The following RALGPS1 variants were observed in gnomAD, a reference collection of about 807,000 sequenced individuals.
The protein encoded by RALGPS1 is Ral GEF with PH domain and SH3 binding motif 1.
In RALGPS1, 19 loss-of-function variants were observed where a neutral mutation model predicts 78.8. That is an observed-to-expected ratio of 0.24 (90% CI 0.17 to 0.35). The LOEUF (loss-of-function observed/expected upper bound fraction) is 0.35, where lower values mean the gene tolerates loss of function less well. Ranked by LOEUF, RALGPS1 falls within the 10% of genes least tolerant of loss-of-function variation. The pLI is 1.00. For synonymous variants in RALGPS1, 228 were observed against 256.3 expected (o/e 0.89, Z 1.06); for missense variants, 454 against 688.3 (o/e 0.66, Z 3.81).
chr9:127,043,733 T>A (rs1248765374), intron 5 of RALGPS1, among the ~76,000 whole-genome samples: 1 of 152,126 alleles, frequency 6.6e-6, no homozygotes. Flanking sequence ...TATCCAAAAT[T>A]TACTCTTGAA....
intron 3 of RALGPS1, among the ~76,000 whole-genome samples, chr9:126,970,621 G>A (rs1434734577): frequency 4.8e-5 from 3 of 62,962 alleles, no homozygotes; most frequent in African/African-American, 1.0e-4. Context: ...CTAAGAGTGT[G>A]TGTGTGTGTG....
chr9:126,918,440 G>C (rs1039618653), intron 1 of RALGPS1, among the ~76,000 whole-genome samples: 1 of 152,062 alleles, frequency 6.6e-6, no homozygotes, highest in Non-Finnish European at 1.5e-5. Flanking sequence ...AGGCTCAAAT[G>C]ATCCTCCCAC....
chr9:126,939,938 T>C (rs1429906160), intron 1 of RALGPS1, among the ~76,000 whole-genome samples: 1 of 152,242 alleles, frequency 6.6e-6, no homozygotes, highest in Admixed American at 6.5e-5. Context: ...AGTCACTTCC[T>C]GCTCACCTAA....
intron 1 of RALGPS1, among the ~76,000 whole-genome samples, chr9:126,952,997 G>A (rs1327069411): frequency 6.6e-6 from 1 of 152,128 alleles, no homozygotes; most frequent in Non-Finnish European, 1.5e-5. Context: ...ATTCCTGGAC[G>A]TGTGTATTTT....
In RALGPS1 at chr9:127,196,157, A is replaced by G. The variant is rs1158536019; in HGVS notation, c.1038-317A>G. Among the ~76,000 whole-genome samples, 4 of 152,276 alleles carry G rather than the reference A, an allele frequency of 2.6e-5. No individual in the cohort carries two copies. The East Asian group carries it at 7.7e-4, about 29-fold the overall frequency. On this transcript the variant is annotated intron_variant, in intron 12 of 18. Coordinates refer to ENST00000259351, the MANE Select transcript of RALGPS1 (RefSeq NM_014636.3). ...CTCCAGGAGCAGACATCCTGGCCAC[A>G]GGCCCACTGCTGCTCACCTGTGCAG...
intron 1 of RALGPS1, among the ~76,000 whole-genome samples, chr9:126,924,067 A>G (rs490809): frequency 0.59 from 89,139 of 152,122 alleles, 30,212 homozygotes; most frequent in East Asian, 0.81. Context: ...CCAGATGAGG[A>G]TGGAGGCTTT....
At chr9:126,929,783 A>G (rs892942374) in intron 1 of RALGPS1, among the ~76,000 whole-genome samples, 3 of 151,940 alleles carry the variant, frequency 2.0e-5, no homozygotes, top group African/African-American at 7.3e-5. Context: ...TTTTATTGCC[A>G]CTTCTACTTC....
At chr9:126,941,460 T>A (rs2036783441) in intron 1 of RALGPS1, among the ~76,000 whole-genome samples, 1 of 152,118 alleles carries the variant, frequency 6.6e-6, no homozygotes, top group Non-Finnish European at 1.5e-5. Flanking sequence ...CTGCAAAAAT[T>A]AAAAATAAGT....
chr9:126,997,218 A>G (rs982137031), intron 4 of RALGPS1, among the ~76,000 whole-genome samples: 1 of 152,212 alleles, frequency 6.6e-6, no homozygotes, highest in African/African-American at 2.4e-5. Flanking sequence ...AAGGGTATTC[A>G]ATTAGGAAAA....
chr9:127,024,027 A>G (rs2045726772), intron 4 of RALGPS1, among the ~76,000 whole-genome samples: 1 of 96,226 alleles, frequency 1.0e-5, no homozygotes, highest in Non-Finnish European at 2.0e-5. Flanking sequence ...ACAGAGTAAG[A>G]CTCTGTCTCA....
intron 1 of RALGPS1, among the ~76,000 whole-genome samples, chr9:126,955,163 A>G (rs1165123434): frequency 1.3e-5 from 2 of 152,182 alleles, no homozygotes; most frequent in Non-Finnish European, 2.9e-5. Flanking sequence ...TAAGGCATTT[A>G]TCAGTATCTT....
rs570202274 is a variant in RALGPS1, at chr9:127,041,108, C to A, written c.300+6594C>A. ...TTTCTTTCTTTCTTTTTTTTTATCC[C>A]CGAGGTGGAGTCTTGCTCTGTTGCC... On this transcript the variant is annotated intron_variant, in intron 5 of 18. Transcript: ENST00000259351. Among the ~76,000 whole-genome samples, 130 of 144,824 alleles carry A rather than the reference C, an allele frequency of 9.0e-4. No individual in the cohort carries two copies. The South Asian group carries it at 0.016, about 18-fold the overall frequency.
At chr9:127,116,840 C>G (rs918508724) in intron 8 of RALGPS1, among the ~76,000 whole-genome samples, 1 of 152,176 alleles carries the variant, frequency 6.6e-6, no homozygotes, top group Non-Finnish European at 1.5e-5. Flanking sequence ...GATGAGCAAA[C>G]AAAGGTAAGG....
chr9:127,094,049 T>G lies in RALGPS1; in HGVS notation c.610+24693T>G, dbSNP rs2052820723. On this transcript the variant is annotated intron_variant, in intron 8 of 18. Coordinates refer to ENST00000259351, the MANE Select transcript of RALGPS1 (RefSeq NM_014636.3). ...AGCTGGGAGCCACAGGCCCACGGTC[T>G]GAGGTAACCAATTTTTGTTTTGCGA... The G allele has an allele frequency of 2.8e-6, 3 of 1,086,764 alleles. No individual in the cohort carries two copies. In the East Asian group the frequency reaches 7.7e-5, roughly 28 times the overall value. 67.3% of individuals were successfully genotyped at this position (1,086,764 alleles called of 1,614,324 possible). A position where few individuals can be genotyped will look rare whatever the true frequency, so the allele number is the denominator to read the frequency against.
At chr9:127,007,229 A>C (rs1206269044) in intron 4 of RALGPS1, among the ~76,000 whole-genome samples, 1 of 152,168 alleles carries the variant, frequency 6.6e-6, no homozygotes, top group African/African-American at 2.4e-5. Flanking sequence ...TAAAGAGTTA[A>C]AGCTCTATTT....
intron 8 of RALGPS1, among the ~76,000 whole-genome samples, chr9:127,135,842 G>C (rs1037868889): frequency 6.6e-6 from 1 of 152,222 alleles, no homozygotes; most frequent in Non-Finnish European, 1.5e-5. Flanking sequence ...GGAGAACAAA[G>C]ATGAACTTTG....
At chr9:127,062,747 G>A (rs2049333680) in intron 7 of RALGPS1, among the ~76,000 whole-genome samples, 2 of 152,190 alleles carry the variant, frequency 1.3e-5, no homozygotes, top group African/African-American at 4.8e-5. Flanking sequence ...AACATGGACA[G>A]CTAGCCAGCA....
At chr9:127,050,249 G>A in intron 6 of RALGPS1, 117 bp downstream of exon 6, 2 of 850,820 alleles carry the variant, frequency 2.4e-6, no homozygotes, top group South Asian at 1.5e-5. Flanking sequence ...GCCAGGCACA[G>A]TTCAAACAGG....
At chr9:127,044,889 G>T (rs1330819672) in intron 5 of RALGPS1, among the ~76,000 whole-genome samples, 2 of 152,162 alleles carry the variant, frequency 1.3e-5, no homozygotes, top group Admixed American at 6.5e-5. Flanking sequence ...AATCATTATT[G>T]TTGGTTTATT....
Sources: allele counts gnomAD v4.1 joint callset (sites outside exome capture counted in the v4.1 genomes callset), GRCh38; gene constraint gnomAD v4.1.1; transcripts MANE v1.5; gene names NCBI Gene and HGNC (gene_info 2026-07-23, HGNC 2026-07-21).